The following LGMN variants were observed in gnomAD, a reference collection of about 807,000 sequenced individuals.
LGMN encodes the protein legumain, also known as asparaginyl endopeptidase.
LGMN carries 36 observed loss-of-function variants against 56.8 expected under a neutral mutation model. The observed-to-expected ratio is 0.63, with a 90% CI of 0.49 to 0.84. The LOEUF is 0.84. Ranked by LOEUF, LGMN falls within the 40% of genes least tolerant of loss-of-function variation. The probability of loss-of-function intolerance (pLI) is 0.00; values close to 1 mark genes in which losing one functional copy is unlikely to be tolerated. For missense variants in LGMN, 446 were observed against 556.1 expected (o/e 0.80, Z 1.99); for synonymous variants, 199 against 210.1 (o/e 0.95, Z 0.46).
In LGMN at chr14:92,704,704, C is replaced by G. The variant is rs767989757; in HGVS notation, c.1195G>C (p.Glu399Gln). ...ACGTACAAATGTCTCAACGCATACT[C>G]GTACTGGGAGAAAACAAACGAGAAG... The part of the protein sequence containing the change: ...HCFNWHSPTY[E>Q]YALRHLYVLV... Residue 399 changes from glutamate to glutamine, a missense_variant, in exon 13 of 14, where the codon GAG becomes CAG. Coordinates refer to ENST00000334869, the MANE Select transcript of LGMN (RefSeq NM_005606.7). The G allele has an allele frequency of 7.4e-6, 12 of 1,612,682 alleles. No individual in the cohort carries two copies. The highest frequency in any genetic ancestry group is 1.0e-5 in the Non-Finnish European group (12 of 1,178,690).
intron 1 of LGMN, among the ~76,000 whole-genome samples, chr14:92,738,099 G>A (rs910458845): frequency 2.6e-5 from 4 of 151,984 alleles, no homozygotes; most frequent in Non-Finnish European, 4.4e-5. Flanking sequence ...AGAAACAAAC[G>A]GTTGACCTGA....
intron 2 of LGMN, among the ~76,000 whole-genome samples, chr14:92,720,741 T>C (rs1252070311): frequency 1.3e-5 from 2 of 151,980 alleles, no homozygotes; most frequent in Non-Finnish European, 2.9e-5. Flanking sequence ...TCCTAATCCC[T>C]GAAGCCTGCA....
At position 92,709,694 on chromosome 14, in the gene LGMN, T is replaced by C; in HGVS notation, c.998A>G (p.Glu333Gly). 1 of 1,613,572 alleles carries C rather than the reference T, an allele frequency of 6.2e-7. No homozygotes were observed. Among genetic ancestry groups the C allele is most frequent in the Non-Finnish European group, 8.5e-7 (1 of 1,179,834 alleles). The part of the protein sequence containing the change: ...NDLEESRQLT[E>G]EIQRHLDARH... ...CACATCCAGATGCCGCTGGATCTCCTCCGTGAGCTGCCTGGACTCCTCCAG... is the reference window on the plus strand; with the variant it reads ...CACATCCAGATGCCGCTGGATCTCCCCCGTGAGCTGCCTGGACTCCTCCAG... The change falls in exon 11 of 14, where the codon GAG (glutamate) becomes GGG (glycine). Residue 333 changes from glutamate to glycine, a missense_variant. Transcript: ENST00000334869.
intron 5 of LGMN, chr14:92,715,929 A>G: frequency 2.5e-6 from 1 of 398,330 alleles, no homozygotes; most frequent in Non-Finnish European, 4.6e-6. Flanking sequence ...CCTGGATCAT[A>G]AGGTGAATTC....
At chr14:92,704,566 G>T in intron 13 of LGMN, 74 bp downstream of exon 13, 2 of 1,323,664 alleles carry the variant, frequency 1.5e-6, no homozygotes, top group Non-Finnish European at 2.2e-6. Flanking sequence ...ATGCCCACTT[G>T]CAGAAGAGGA....
At position 92,706,560 on chromosome 14, in the gene LGMN, G is replaced by A; in HGVS notation, c.1114C>T (p.Pro372Ser). Residue 372 changes from proline to serine, a missense_variant, in exon 12 of 14, where the codon CCG (proline) becomes TCG (serine). Coordinates refer to ENST00000334869, the MANE Select transcript of LGMN (RefSeq NM_005606.7). ...GGGTAGCAGCTGTGCCCCGTGAGCG[G>A]GGCTCTCTCGGACAGGAGCTGCTCC... ...EVEQLLSERA[P>S]LTGHSCYPEA... 1 of 1,604,402 alleles carries A rather than the reference G, an allele frequency of 6.2e-7. No individual in the cohort carries two copies. The highest frequency in any genetic ancestry group is 8.5e-7 in the Non-Finnish European group (1 of 1,172,222).
At chr14:92,735,256 G>C (rs1318431310) in intron 1 of LGMN, among the ~76,000 whole-genome samples, 2 of 152,080 alleles carry the variant, frequency 1.3e-5, no homozygotes, top group East Asian at 3.8e-4. Context: ...GCTCAGGCTG[G>C]AGTGCACTGG....
intron 11 of LGMN, among the ~76,000 whole-genome samples, chr14:92,708,876 AAAAAAT>A (rs1889585914): frequency 1.3e-5 from 2 of 150,544 alleles, no homozygotes; most frequent in Non-Finnish European, 1.5e-5. Context: ...AAAAAAAAAA[AAAAAAT>A]CTTGCCTAGA....
At position 92,709,766 on chromosome 14, in the gene LGMN, T is replaced by A. The variant is rs1326156866; in HGVS notation, c.926A>T (p.Asp309Val). The A allele has an allele frequency of 2.5e-6, 4 of 1,613,940 alleles. No individual in the cohort carries two copies. In the South Asian group the frequency reaches 4.4e-5, roughly 18 times the overall value. ...VTHLDLTPSP[D>V]VPLTIMKRKL... The stretch of plus-strand genomic sequence containing the variant: ...CCTTTTCATGATGGTGAGAGGCACA[T>A]CAGGGCTGGGGGTGAGGTCAAGGTG... The change falls in exon 11 of 14, where the codon GAT becomes GTT. Residue 309 changes from aspartate to valine, a missense_variant. Physicochemically the swap from Asp to Val is radical, Grantham distance 152. Coordinates refer to ENST00000334869, the MANE Select transcript of LGMN (RefSeq NM_005606.7).
chr14:92,704,840 A>C, intron 12 of LGMN, 133 bp from the exon 13 acceptor site: 1 of 713,494 alleles, frequency 1.4e-6, no homozygotes, highest in South Asian at 1.5e-5. Flanking sequence ...TCCTTTCCCA[A>C]CCTTTAGATA....
chr14:92,710,514 G>A (rs1018529885), intron 10 of LGMN, among the ~76,000 whole-genome samples: 3 of 152,212 alleles, frequency 2.0e-5, no homozygotes, highest in African/African-American at 7.2e-5. Flanking sequence ...TTTGGCTGTA[G>A]CGGTCACTAC....
intron 1 of LGMN, among the ~76,000 whole-genome samples, chr14:92,736,687 G>T (rs1891323771): frequency 6.6e-6 from 1 of 152,136 alleles, no homozygotes; most frequent in South Asian, 2.1e-4. Context: ...TCCTGGGTCT[G>T]TTTGGTAAAC....
At chr14:92,705,015 C>G (rs1411861667) in intron 12 of LGMN, 3 of 303,728 alleles carry the variant, frequency 9.9e-6, no homozygotes, top group Non-Finnish European at 2.0e-5. Flanking sequence ...GGGATCTCCC[C>G]GGGAAGTCTG....
rs547580672 is a variant in LGMN at position 92,743,540 on chromosome 14, G to A, written c.-30+4949C>T. On this transcript the variant is annotated intron_variant, in intron 1 of 13. Coordinates refer to ENST00000334869, the MANE Select transcript of LGMN (RefSeq NM_005606.7). ...ATCCAGGCCTGGTGTGGTGGCTTGC[G>A]CCTGTAATTCGAACACTTTGAGAGG... Among the ~76,000 whole-genome samples the A allele has an allele frequency of 3.2e-4, 48 of 151,628 alleles. 1 individual carries two copies. The highest frequency in any genetic ancestry group is 7.0e-4 in the African/African-American group (29 of 41,370).
intron 1 of LGMN, among the ~76,000 whole-genome samples, chr14:92,737,383 G>A (rs1891355595): frequency 1.3e-5 from 2 of 152,038 alleles, no homozygotes; most frequent in Non-Finnish European, 2.9e-5. Context: ...ACCAAAGCAT[G>A]CCCAATACAG....
At chr14:92,712,667 C>CT (rs750833812) in intron 8 of LGMN, 138 bp downstream of exon 8, 14 of 723,598 alleles carry the variant, frequency 1.9e-5, no homozygotes, top group East Asian at 5.4e-5. Context: ...CCAGAGCTAC[C>CT]TGCAAGTATC....
chr14:92,734,764 G>T (rs531275232), intron 1 of LGMN, among the ~76,000 whole-genome samples: 1 of 152,090 alleles, frequency 6.6e-6, no homozygotes, highest in South Asian at 2.1e-4. Flanking sequence ...CTGTGCCTCC[G>T]CGATAAGAAG....
At chr14:92,728,448 A>G (rs758957653) in intron 2 of LGMN, among the ~76,000 whole-genome samples, 2 of 152,228 alleles carry the variant, frequency 1.3e-5, no homozygotes, top group African/African-American at 4.8e-5. Flanking sequence ...AATACTGCAG[A>G]CAAATGGAAC....
chr14:92,714,751 G>A lies in LGMN; in HGVS notation c.405-300C>T, dbSNP rs980041414. 2.3e-4 allele frequency among the ~76,000 whole-genome samples: 35 copies of A among 152,056 alleles called. No individual in the cohort carries two copies. The highest frequency in any genetic ancestry group is 8.2e-4 in the African/African-American group (34 of 41,402). On this transcript the variant is annotated intron_variant, in intron 5 of 13. Coordinates refer to ENST00000334869, the MANE Select transcript of LGMN (RefSeq NM_005606.7). This position sits in a 1 kb window ranked among gnomAD's most constrained non-coding sequence, Gnocchi z 5.1. ...AGACCTGGTGTGAGGTGGATAGTGG[G>A]GTCCTTTGGCAATTGGGCCTCATCC... is the stretch of plus-strand genomic sequence containing the variant.
Sources: allele counts gnomAD v4.1 joint callset (sites outside exome capture counted in the v4.1 genomes callset), GRCh38; gene constraint gnomAD v4.1.1; non-coding constraint Gnocchi (gnomAD v3.1); transcripts MANE v1.5; gene names NCBI Gene and HGNC (gene_info 2026-07-23, HGNC 2026-07-21).